The following ADAMTS8 variants were observed in gnomAD, a reference collection of about 807,000 sequenced individuals.
ADAMTS8 encodes the protein ADAM metallopeptidase with thrombospondin type 1 motif 8.
Under a neutral mutation model 64.4 loss-of-function variants are expected in ADAMTS8, and 50 were observed. The ratio of observed to expected loss-of-function variants is 0.78; its 90% CI spans 0.62 to 0.98. The LOEUF is 0.98. Among genes scored for constraint, ADAMTS8 ranks in the 50% least tolerant of loss-of-function variants. The pLI is 0.00. For synonymous variants in ADAMTS8, 556 were observed against 533.6 expected, an observed-to-expected ratio of 1.04 and a Z score of -0.58; for missense variants, 1,192 against 1,208.2, an observed-to-expected ratio of 0.99 and a Z score of 0.20.
chr11:130,411,531 C>G lies in ADAMTS8; in HGVS notation c.1636G>C (p.Val546Leu). The G allele has an allele frequency of 6.2e-7, 1 of 1,614,086 alleles. No individual in the cohort carries two copies. The highest frequency in any genetic ancestry group is 1.6e-4 in the Middle Eastern group (1 of 6,062). ...TTGCACTCACGGTGTGAAAACTGTA[C>G]TCCTCCTCCACAGGTCCGAGAACAT... ...GECSRTCGGG[V>L]QFSHRECKDP... The change falls in exon 6 of 9, where the codon GTA becomes CTA. Residue 546 changes from valine to leucine, a missense_variant. Physicochemically the swap from Val to Leu is conservative, Grantham distance 32. Transcript: ENST00000257359. The surrounding 1 kb of genome is among the most constrained non-coding windows in gnomAD (Gnocchi z 4.2).
At position 130,405,087 on chromosome 11, in the gene ADAMTS8, T is replaced by A. The variant is rs1247596458; in HGVS notation, c.*471A>T. On this transcript the variant is annotated 3_prime_UTR_variant, in exon 9 of 9. Transcript: ENST00000257359. ...CACTGAAGACAGTCGTGGTCATTCT[T>A]GAAGACAGCTTGGGGTCCAGCTTTG... is the stretch of plus-strand genomic sequence containing the variant. 8 of 990,186 alleles carry A rather than the reference T, an allele frequency of 8.1e-6. No individual in the cohort carries two copies. Among genetic ancestry groups the A allele is most frequent in the Non-Finnish European group, 9.6e-6 (8 of 833,176 alleles). The allele number at this position is 990,186 out of a possible 1,614,324, so 61.3% of individuals were successfully genotyped here.
In ADAMTS8 at chr11:130,416,725, T is replaced by A. The variant is rs1862030009; in HGVS notation, c.1096+215A>T. Among the ~76,000 whole-genome samples the A allele has an allele frequency of 1.3e-5, 2 of 152,220 alleles. No homozygotes were observed. Among genetic ancestry groups the A allele is most frequent in the South Asian group, 4.1e-4 (2 of 4,834 alleles). ...GACCTGTGATAATCGTGTGGGATGC[T>A]GCTTTTGTATTTTGGCCATGTGCTC... On this transcript the variant is annotated intron_variant, in intron 3 of 8. Transcript: ENST00000257359. The surrounding 1 kb of genome is among the most constrained non-coding windows in gnomAD (Gnocchi z 4.8).
chr11:130,405,476 C>G lies in ADAMTS8; in HGVS notation c.*82G>C. ...GTGCTGCCTTGATATGGCCAAGGGACCCAGTCACCACAGTGGAGACCCTTG... is the reference window on the plus strand; with the variant it reads ...GTGCTGCCTTGATATGGCCAAGGGAGCCAGTCACCACAGTGGAGACCCTTG... On this transcript the variant is annotated 3_prime_UTR_variant, in exon 9 of 9. Coordinates refer to ENST00000257359, the MANE Select transcript of ADAMTS8 (RefSeq NM_007037.6). 1 of 1,508,242 alleles carries G rather than the reference C, an allele frequency of 6.6e-7. No homozygotes were observed. The highest frequency in any genetic ancestry group is 8.8e-7 in the Non-Finnish European group (1 of 1,134,308). 93.4% of individuals were successfully genotyped at this position (1,508,242 alleles called of 1,614,324 possible).
chr11:130,414,896 T>C, intron 4 of ADAMTS8, 64 bp from the exon 5 acceptor site: 1 of 1,450,702 alleles, frequency 6.9e-7, no homozygotes. Context: ...CAGCTCTTCA[T>C]GGCCTGTGAT....
At chr11:130,406,567 C>T (rs960161376) in intron 8 of ADAMTS8, among the ~76,000 whole-genome samples, 2 of 152,188 alleles carry the variant, frequency 1.3e-5, no homozygotes, top group African/African-American at 4.8e-5. Context: ...AAAAACTGTT[C>T]CACACACCCC....
Position 130,416,160 on chromosome 11 carries a change from T to G in ADAMTS8, c.1264+3A>C. 6.4e-7 allele frequency: 1 copy of G among 1,572,474 alleles called. No homozygotes were observed. ...CAAGTAGGGCGGGGCCGCCGGTGCC[T>G]ACCGTGCCCGCCGTCCAGAAGCTCT... On this transcript the variant is annotated splice_donor_region_variant and intron_variant, in intron 4 of 8. Transcript: ENST00000257359. This position sits in a 1 kb window ranked among gnomAD's most constrained non-coding sequence, Gnocchi z 4.8.
chr11:130,418,805 G>A (rs181461174), intron 2 of ADAMTS8, among the ~76,000 whole-genome samples: 15 of 152,322 alleles, frequency 9.8e-5, no homozygotes, highest in Admixed American at 3.3e-4. Context: ...TTCTTGTTAT[G>A]TGTGACCTCA....
intron 2 of ADAMTS8, among the ~76,000 whole-genome samples, 158 bp downstream of exon 2, chr11:130,418,895 C>T (rs1862061133): frequency 1.6e-5 from 1 of 63,714 alleles, no homozygotes; most frequent in South Asian, 5.2e-4. Context: ...TCACACTTGT[C>T]CTCATGACCT....
Position 130,427,758 on chromosome 11 carries a change from G to C in ADAMTS8, c.529C>G (p.Gln177Glu). The C allele has an allele frequency of 6.3e-7, 1 of 1,595,804 alleles. No homozygotes were observed. The highest frequency in any genetic ancestry group is 8.5e-7 in the Non-Finnish European group (1 of 1,172,112). Residue 177 changes from glutamine to glutamate, a missense_variant, in exon 1 of 9, where the codon CAG becomes GAG. Coordinates refer to ENST00000257359, the MANE Select transcript of ADAMTS8 (RefSeq NM_007037.6). ...WEVETGEGQR[Q>E]ERGDHQEDSE... ...TCCTCCTGGTGGTCTCCTCTCTCCT[G>C]CCTCTGACCCTCTCCCGTCTCCACC...
chr11:130,415,727 GC>G (rs1457155395), intron 4 of ADAMTS8, among the ~76,000 whole-genome samples: 4 of 150,592 alleles, frequency 2.7e-5, no homozygotes, highest in Non-Finnish European at 5.9e-5. Context: ...TCCTGCCTCA[GC>G]CTCCTGAGTA....
In ADAMTS8 at chr11:130,411,530, ACTC is replaced by A. The variant is rs769537402; in HGVS notation, c.1634_1636del (p.Gly545del). 39 of 1,613,018 alleles carry A rather than the reference ACTC, an allele frequency of 2.4e-5. No homozygotes were observed. Among genetic ancestry groups the A allele is most frequent in the Non-Finnish European group, 2.9e-5 (34 of 1,179,798 alleles). On this transcript the variant is annotated inframe_deletion, in exon 6 of 9. Coordinates refer to ENST00000257359, the MANE Select transcript of ADAMTS8 (RefSeq NM_007037.6). This position sits in a 1 kb window ranked among gnomAD's most constrained non-coding sequence, Gnocchi z 4.2. Reference sequence around the variant, plus strand: ...CTTGCACTCACGGTGTGAAAACTGTACTCCTCCTCCACAGGTCCGAGAACATTC... The same window carrying A: ...CTTGCACTCACGGTGTGAAAACTGTACTCCTCCACAGGTCCGAGAACATTC...
chr11:130,413,563 C>G (rs1300714743), intron 5 of ADAMTS8, among the ~76,000 whole-genome samples: 1 of 152,210 alleles, frequency 6.6e-6, no homozygotes, highest in Non-Finnish European at 1.5e-5. Flanking sequence ...GAAATGCGAT[C>G]AGCCTCACAG....
intron 1 of ADAMTS8, among the ~76,000 whole-genome samples, chr11:130,426,717 C>T (rs1287120662): frequency 2.6e-5 from 4 of 152,220 alleles, no homozygotes; most frequent in Non-Finnish European, 4.4e-5. Context: ...TAGCCATCCC[C>T]TGGACTCTGT....
chr11:130,427,489 A>C, intron 1 of ADAMTS8, 78 bp downstream of exon 1: 5 of 550,216 alleles, frequency 9.1e-6, no homozygotes, highest in Non-Finnish European at 1.3e-5. Context: ...GAGGGATTGG[A>C]AGGGGAGATT....
In ADAMTS8 at chr11:130,405,916, G is replaced by A; in HGVS notation, c.2312C>T (p.Ala771Val). 6.2e-7 allele frequency: 1 copy of A among 1,614,108 alleles called. No individual in the cohort carries two copies. The highest frequency in any genetic ancestry group is 8.5e-7 in the Non-Finnish European group (1 of 1,179,960). ...GTILKYSGSI[A>V]TLERLQSFRP... ...GAAGCTCTGCAGGCGCTCCAGGGTGGCGATGGAGCCGCTGTACTTCAGGAT... is the reference window on the plus strand; with the variant it reads ...GAAGCTCTGCAGGCGCTCCAGGGTGACGATGGAGCCGCTGTACTTCAGGAT... Residue 771 changes from alanine to valine, a missense_variant, in exon 9 of 9, where the codon GCC (alanine) becomes GTC (valine). By Grantham distance (64) the Ala-to-Val change is moderately conservative. Transcript: ENST00000257359.
At position 130,408,493 on chromosome 11, in the gene ADAMTS8, C is replaced by G; in HGVS notation, c.2070G>C (p.Arg690Ser). The change falls in exon 8 of 9, where the codon AGG becomes AGC. Residue 690 changes from arginine to serine, a missense_variant. Coordinates refer to ENST00000257359, the MANE Select transcript of ADAMTS8 (RefSeq NM_007037.6). The stretch of plus-strand genomic sequence containing the variant: ...TGGGGGTGAGGGACCCGGAGACCTT[C>G]CTGCAGGAGTTGCCTTTGCCCCCAC... ...GVCGGKGNSC[R>S]KVSGSLTPTN... 6.2e-7 allele frequency: 1 copy of G among 1,614,052 alleles called. No homozygotes were observed. The highest frequency in any genetic ancestry group is 8.5e-7 in the Non-Finnish European group (1 of 1,180,028).
At position 130,427,726 on chromosome 11, in the gene ADAMTS8, C is replaced by T; in HGVS notation, c.561G>A (p.Glu187=). ...QERGDHQEDS[E]EESQEEEAEG... Reference sequence around the variant, plus strand: ...CTGCCTCCTCTTCTTGGCTCTCCTCCTCGCTGTCCTCCTGGTGGTCTCCTC... The same window carrying T: ...CTGCCTCCTCTTCTTGGCTCTCCTCTTCGCTGTCCTCCTGGTGGTCTCCTC... Residue 187 remains glutamate, a synonymous_variant, in exon 1 of 9, where the codon GAG becomes GAA. Transcript: ENST00000257359. The T allele has an allele frequency of 6.3e-7, 1 of 1,595,536 alleles. No homozygotes were observed. The highest frequency in any genetic ancestry group is 8.5e-7 in the Non-Finnish European group (1 of 1,172,024).
At position 130,427,715 on chromosome 11, in the gene ADAMTS8, T is replaced by G. The variant is rs773803243; in HGVS notation, c.572A>C (p.Gln191Pro). The change falls in exon 1 of 9, where the codon CAA (glutamine) becomes CCA (proline). Residue 191 changes from glutamine to proline, a missense_variant. Transcript: ENST00000257359. The part of the protein sequence containing the change: ...DHQEDSEEES[Q>P]EEEAEGASEP... The stretch of plus-strand genomic sequence containing the variant: ...GCTAGCGCCTTCTGCCTCCTCTTCT[T>G]GGCTCTCCTCCTCGCTGTCCTCCTG... 1.6e-5 allele frequency: 26 copies of G among 1,595,690 alleles called. No individual in the cohort carries two copies. The highest frequency in any genetic ancestry group is 8.6e-5 in the Admixed American group (5 of 58,252).
In ADAMTS8 at chr11:130,411,332, C is replaced by G; in HGVS notation, c.1750+85G>C. 3 of 1,513,272 alleles carry G rather than the reference C, an allele frequency of 2.0e-6. No individual in the cohort carries two copies. Among genetic ancestry groups the G allele is most frequent in the Non-Finnish European group, 2.7e-6 (3 of 1,112,796 alleles). The allele number at this position is 1,513,272 out of a possible 1,614,324, so 93.7% of individuals were successfully genotyped here. ...ACTCTATATCCCGGGACACCCACTT[C>G]ACTCCCACTTTACACATCCTCTGGG... On this transcript the variant is annotated intron_variant, in intron 6 of 8. Coordinates refer to ENST00000257359, the MANE Select transcript of ADAMTS8 (RefSeq NM_007037.6). This position sits in a 1 kb window ranked among gnomAD's most constrained non-coding sequence, Gnocchi z 4.2.
Sources: gnomAD v4.1 joint callset for allele counts (sites outside exome capture counted in the v4.1 genomes callset) on GRCh38, gnomAD v4.1.1 for gene constraint, Gnocchi (gnomAD v3.1) non-coding constraint, MANE v1.5 for transcripts, NCBI Gene and HGNC (gene_info 2026-07-23, HGNC 2026-07-21) for gene names.